The following PTK2B variants were observed in gnomAD, a reference collection of about 807,000 sequenced individuals.
The protein encoded by PTK2B is protein-tyrosine kinase 2-beta.
PTK2B carries 71 observed loss-of-function variants against 142.9 expected under a neutral mutation model. That is an observed-to-expected ratio of 0.50 (90% CI 0.41 to 0.61). The LOEUF (loss-of-function observed/expected upper bound fraction) is 0.61. Among genes scored for constraint, PTK2B ranks in the 20% least tolerant of loss-of-function variants. PTK2B has a pLI of 0.00. For missense variants in PTK2B, 1,105 were observed against 1,320.4 expected (o/e 0.84, Z 2.53); for synonymous variants, 519 against 503.4 (o/e 1.03, Z -0.42).
chr8:27,449,428 T>C (rs902119129), intron 24 of PTK2B, among the ~76,000 whole-genome samples: 13 of 152,218 alleles, frequency 8.5e-5, no homozygotes, highest in African/African-American at 3.1e-4. Context: ...TATTCAAGTG[T>C]GTTTTGTAGG....
At chr8:27,446,784 G>A (rs1344961946) in intron 24 of PTK2B, among the ~76,000 whole-genome samples, 3 of 152,132 alleles carry the variant, frequency 2.0e-5, no homozygotes, top group Non-Finnish European at 4.4e-5. Context: ...GGAAGATGTA[G>A]GCAAGTATGC....
chr8:27,409,846 AAGT>A (rs1808947816), intron 2 of PTK2B, among the ~76,000 whole-genome samples: 1 of 152,102 alleles, frequency 6.6e-6, no homozygotes, highest in Admixed American at 6.5e-5. Context: ...TCAGCCTCCC[AAGT>A]AGCTGGGTTT....
At chr8:27,342,653 A>G (rs1172811569) in intron 1 of PTK2B, among the ~76,000 whole-genome samples, 1 of 151,970 alleles carries the variant, frequency 6.6e-6, no homozygotes, top group Non-Finnish European at 1.5e-5. Context: ...CACCTCTGCC[A>G]TGTGCTTCTC....
At chr8:27,336,396 G>A (rs998651442) in intron 1 of PTK2B, among the ~76,000 whole-genome samples, 1 of 152,110 alleles carries the variant, frequency 6.6e-6, no homozygotes, top group Admixed American at 6.6e-5. Flanking sequence ...GCCCTGTTGA[G>A]GAAAGAACCG....
In PTK2B at chr8:27,351,032, TATATATATAC is replaced by T. The variant is rs1406401544; in HGVS notation, c.-38+25352_-38+25361del. On this transcript the variant is annotated intron_variant, in intron 1 of 30. Coordinates refer to ENST00000346049, the MANE Select transcript of PTK2B (RefSeq NM_173176.3). ...ATATATATATATATATATATATATA[TATATATATAC>T]GTGCTTGGAGCAGGCACAGTGGTGC... is the stretch of plus-strand genomic sequence containing the variant. Among the ~76,000 whole-genome samples the T allele has an allele frequency of 7.9e-4, 71 of 90,428 alleles. 4 individuals are homozygous for T. Among genetic ancestry groups the T allele is most frequent in the African/African-American group, 3.4e-3 (67 of 19,994 alleles). The allele number at this position is 90,428 out of a possible 152,430, so 59.3% of individuals were successfully genotyped here.
intron 18 of PTK2B, 41 bp downstream of exon 18, chr8:27,437,921 C>G (rs1194617099): frequency 1.3e-6 from 2 of 1,522,406 alleles, no homozygotes; most frequent in Non-Finnish European, 1.8e-6. Context: ...GAAGCCAGGC[C>G]TTCACCAGAT....
chr8:27,311,457 G>A (rs1190939889), upstream of PTK2B: 2 of 614,338 alleles, frequency 3.3e-6, no homozygotes, highest in Non-Finnish European at 5.4e-6. Flanking sequence ...GGAAATCTTG[G>A]GAGAGCGGGG....
At chr8:27,328,677 A>G (rs532293352) in intron 1 of PTK2B, among the ~76,000 whole-genome samples, 3 of 152,176 alleles carry the variant, frequency 2.0e-5, no homozygotes, top group Non-Finnish European at 2.9e-5. Context: ...TGTCTTGAAT[A>G]TTTGCAAGAT....
Position 27,397,559 on chromosome 8 carries a change from G to A in PTK2B, c.-26G>A, listed in dbSNP as rs1352302824. On this transcript the variant is annotated 5_prime_UTR_variant, in exon 2 of 31. Transcript: ENST00000346049. ...TGCTGTCTCTGCAGGACTGCAATGT[G>A]CCGATCTTAGCTGCTGCCTGAGAGG... 1 of 1,610,438 alleles carries A rather than the reference G, an allele frequency of 6.2e-7. No individual in the cohort carries two copies. The highest frequency in any genetic ancestry group is 1.1e-5 in the South Asian group (1 of 90,968).
chr8:27,403,176 T>A (rs2131515588), intron 2 of PTK2B, among the ~76,000 whole-genome samples: 1 of 152,332 alleles, frequency 6.6e-6, no homozygotes, highest in Non-Finnish European at 1.5e-5. Flanking sequence ...TTTCCTCATT[T>A]TCCCAGTACT....
At chr8:27,434,612 C>T (rs1810659784) in intron 13 of PTK2B, 53 bp downstream of exon 13, 2 of 1,552,420 alleles carry the variant, frequency 1.3e-6, no homozygotes, top group African/African-American at 1.4e-5. Flanking sequence ...CGTCTGCTTG[C>T]TCCCCACTGC....
chr8:27,376,487 A>G (rs1022680584), intron 1 of PTK2B, among the ~76,000 whole-genome samples: 5 of 152,236 alleles, frequency 3.3e-5, no homozygotes, highest in African/African-American at 1.2e-4. Context: ...CATCTTAAAC[A>G]GGAGCTAGGT....
intron 3 of PTK2B, among the ~76,000 whole-genome samples, chr8:27,317,269 C>T (rs1254330853): frequency 6.6e-6 from 1 of 152,174 alleles, no homozygotes; most frequent in Non-Finnish European, 1.5e-5. Context: ...GGAATAAGAC[C>T]ATCATGATTG....
intron 1 of PTK2B, among the ~76,000 whole-genome samples, chr8:27,373,706 A>T (rs1385858265): frequency 1.2e-4 from 19 of 152,028 alleles, no homozygotes; most frequent in Admixed American, 1.2e-3. Flanking sequence ...TTTAAAAAAA[A>T]TTGGAGATTT....
At chr8:27,346,755 C>T (rs972538272) in intron 1 of PTK2B, among the ~76,000 whole-genome samples, 3 of 152,212 alleles carry the variant, frequency 2.0e-5, no homozygotes, top group Non-Finnish European at 4.4e-5. Context: ...GGTATCTTTT[C>T]CTTGAGCACC....
At chr8:27,453,410 TC>T (rs1811945060) in intron 28 of PTK2B, among the ~76,000 whole-genome samples, 1 of 152,156 alleles carries the variant, frequency 6.6e-6, no homozygotes, top group Non-Finnish European at 1.5e-5. Context: ...GGAGTAGAGC[TC>T]CCTGGTCCAG....
At chr8:27,403,202 C>G (rs1401162452) in intron 2 of PTK2B, among the ~76,000 whole-genome samples, 1 of 152,116 alleles carries the variant, frequency 6.6e-6, no homozygotes, top group East Asian at 1.9e-4. Context: ...TGCTGCCAGC[C>G]CTTTCAAATT....
At chr8:27,434,391 A>G in intron 12 of PTK2B, 122 bp from the exon 13 acceptor site, 1 of 1,201,024 alleles carries the variant, frequency 8.3e-7, no homozygotes, top group Non-Finnish European at 1.2e-6. Flanking sequence ...CTCCCAGGTC[A>G]TTGCTAATTT....
At chr8:27,420,159 C>T in intron 3 of PTK2B, 86 bp downstream of exon 3, 1 of 1,487,078 alleles carries the variant, frequency 6.7e-7, no homozygotes, top group Non-Finnish European at 9.2e-7. Context: ...TTAGAGCACT[C>T]CCCTGCCTCA....
Sources: gnomAD v4.1 joint callset for allele counts (sites outside exome capture counted in the v4.1 genomes callset) on GRCh38, gnomAD v4.1.1 for gene constraint, MANE v1.5 for transcripts, NCBI Gene and HGNC (gene_info 2026-07-23, HGNC 2026-07-21) for gene names.